The following BMP6 variants were observed in gnomAD, a reference collection of about 807,000 sequenced individuals.
The protein encoded by BMP6 is bone morphogenetic protein 6, also known as VG-1-R.
Under a neutral mutation model 54.1 loss-of-function variants are expected in BMP6, and 17 were observed. The observed-to-expected ratio is 0.31, with a 90% CI of 0.22 to 0.47. The LOEUF (loss-of-function observed/expected upper bound fraction) is 0.47. Among genes scored for constraint, BMP6 ranks in the 20% least tolerant of loss-of-function variants. The pLI, the probability that BMP6 is intolerant of heterozygous loss-of-function variation, is 1.00. For missense variants in BMP6, 720 were observed against 690.4 expected (o/e 1.04, Z -0.48); for synonymous variants, 328 against 291.2 (o/e 1.13, Z -1.28).
At chr6:7,788,295 C>T (rs889074608) in intron 1 of BMP6, among the ~76,000 whole-genome samples, 7 of 152,238 alleles carry the variant, frequency 4.6e-5, no homozygotes, top group African/African-American at 1.7e-4. Flanking sequence ...TAGCTGAAAC[C>T]AAGAGTCATC....
chr6:7,869,743 A>G (rs1172550842), intron 4 of BMP6, among the ~76,000 whole-genome samples: 1 of 152,224 alleles, frequency 6.6e-6, no homozygotes, highest in African/African-American at 2.4e-5. Flanking sequence ...AGAGGCTATC[A>G]GCAAGGAAGC....
rs563257407 is a variant in BMP6 at position 7,749,943 on chromosome 6, G to A, written c.664+22324G>A. 2.6e-5 allele frequency among the ~76,000 whole-genome samples: 4 copies of A among 152,330 alleles called. No individual in the cohort carries two copies. The East Asian group carries it at 5.8e-4, about 22-fold the overall frequency. ...AAGTGGTTCATGGGCCAGATTTTGA[G>A]AAGTACTGCCTTAAAGGGTTGGTAG... On this transcript the variant is annotated intron_variant, in intron 1 of 6. Coordinates refer to ENST00000283147, the MANE Select transcript of BMP6 (RefSeq NM_001718.6).
chr6:7,788,418 C>G (rs573046217), intron 1 of BMP6, among the ~76,000 whole-genome samples: 1 of 152,310 alleles, frequency 6.6e-6, no homozygotes, highest in African/African-American at 2.4e-5. Context: ...TGTGCTGGTA[C>G]ACAATGGGGA....
chr6:7,792,556 C>T (rs1219879684), intron 1 of BMP6, among the ~76,000 whole-genome samples: 2 of 152,190 alleles, frequency 1.3e-5, no homozygotes, highest in African/African-American at 2.4e-5. Flanking sequence ...CAGACATACC[C>T]GACTCAAACA....
intron 1 of BMP6, among the ~76,000 whole-genome samples, chr6:7,750,726 T>A (rs1287902785): frequency 6.6e-6 from 1 of 152,240 alleles, no homozygotes; most frequent in Non-Finnish European, 1.5e-5. Context: ...TGACCTTTAT[T>A]TGAAAGATTT....
intron 1 of BMP6, among the ~76,000 whole-genome samples, chr6:7,746,094 A>G (rs1379430947): frequency 6.6e-6 from 1 of 152,178 alleles, no homozygotes; most frequent in Non-Finnish European, 1.5e-5. Context: ...ATAGAGGCAA[A>G]GGCATTCCCG....
In BMP6 at chr6:7,813,458, C is replaced by CAAAAAA. The variant is rs58314970; in HGVS notation, c.665-31664_665-31659dup. On this transcript the variant is annotated intron_variant, in intron 1 of 6. Coordinates refer to ENST00000283147, the MANE Select transcript of BMP6 (RefSeq NM_001718.6). Reference sequence around the variant, plus strand: ...CAACATAGTGAGATCCCTGTCTCTACAAAAAAAAAAAAAAAAAAAAAAACT... The same window carrying CAAAAAA: ...CAACATAGTGAGATCCCTGTCTCTACAAAAAAAAAAAAAAAAAAAAAAAAAAAAACT... Among the ~76,000 whole-genome samples the CAAAAAA allele has an allele frequency of 5.0e-4, 32 of 64,070 alleles. 1 individual carries two copies. The highest frequency in any genetic ancestry group is 1.6e-3 in the South Asian group (2 of 1,252). The allele number at this position is 64,070 out of a possible 152,430, so 42.0% of individuals were successfully genotyped here.
chr6:7,861,318 G>T, intron 2 of BMP6, 133 bp from the exon 3 acceptor site: 2 of 1,185,836 alleles, frequency 1.7e-6, no homozygotes, highest in Non-Finnish European at 2.4e-6. Context: ...GCTATGGCAA[G>T]TCACTGTGCT....
At chr6:7,732,917 G>C (rs560919275) in intron 1 of BMP6, among the ~76,000 whole-genome samples, 66 of 145,802 alleles carry the variant, frequency 4.5e-4, no homozygotes, top group Non-Finnish European at 6.7e-4. Flanking sequence ...TTTTTTTTAA[G>C]ACAGTATCTT....
intron 1 of BMP6, among the ~76,000 whole-genome samples, chr6:7,814,464 A>G (rs372488039): frequency 2.0e-5 from 3 of 152,148 alleles, no homozygotes; most frequent in African/African-American, 7.2e-5. Context: ...TTGTTTGCAG[A>G]CTTTTGCTGT....
At chr6:7,870,820 G>A (rs530985334) in intron 4 of BMP6, among the ~76,000 whole-genome samples, 3 of 152,186 alleles carry the variant, frequency 2.0e-5, no homozygotes, top group Admixed American at 6.5e-5. Flanking sequence ...GTAGAGACAG[G>A]GTTTCACCAT....
At chr6:7,822,057 G>A (rs1758619044) in intron 1 of BMP6, among the ~76,000 whole-genome samples, 1 of 151,582 alleles carries the variant, frequency 6.6e-6, no homozygotes, top group African/African-American at 2.4e-5. Flanking sequence ...TTTTGGTCTT[G>A]TTGCCCAGGC....
intron 1 of BMP6, among the ~76,000 whole-genome samples, chr6:7,761,832 C>G (rs1757618142): frequency 6.6e-6 from 1 of 152,180 alleles, no homozygotes; most frequent in Non-Finnish European, 1.5e-5. Context: ...TTGTTATTGT[C>G]TCATTGCCCC....
intron 1 of BMP6, among the ~76,000 whole-genome samples, chr6:7,769,112 G>A (rs1757743832): frequency 6.6e-6 from 1 of 152,178 alleles, no homozygotes; most frequent in Admixed American, 6.5e-5. Context: ...CTGCAGGTAG[G>A]AAAAACAAAA....
chr6:7,794,066 C>T (rs574966519), intron 1 of BMP6, among the ~76,000 whole-genome samples: 20 of 152,188 alleles, frequency 1.3e-4, no homozygotes, highest in Non-Finnish European at 2.6e-4. Flanking sequence ...GGGTAAGGCT[C>T]GTACTCAGAG....
intron 4 of BMP6, among the ~76,000 whole-genome samples, chr6:7,869,350 G>A (rs1046037864): frequency 1.1e-4 from 17 of 152,256 alleles, no homozygotes; most frequent in African/African-American, 3.9e-4. Context: ...TTTGCACTTC[G>A]CTGTGTGCGT....
chr6:7,726,861 A>G lies in BMP6; in HGVS notation c.-95A>G. 1.3e-6 allele frequency: 1 copy of G among 744,022 alleles called. No homozygotes were observed. The highest frequency in any genetic ancestry group is 1.7e-6 in the Non-Finnish European group (1 of 597,926). The allele number at this position is 744,022 out of a possible 1,614,324, so 46.1% of individuals were successfully genotyped here. On this transcript the variant is annotated 5_prime_UTR_variant, in exon 1 of 7. Transcript: ENST00000283147. ...GCGAGCCCGCCGAGAGGTGGCGGGG[A>G]CTGCTCACGCCAAGGGCCACAGCGG...
At chr6:7,736,195 C>CT (rs1441130963) in intron 1 of BMP6, among the ~76,000 whole-genome samples, 4 of 152,284 alleles carry the variant, frequency 2.6e-5, no homozygotes, top group African/African-American at 9.6e-5. Context: ...ACTGAGGTGT[C>CT]TGTCACCATA....
At chr6:7,836,533 C>T (rs1330347935) in intron 1 of BMP6, among the ~76,000 whole-genome samples, 1 of 152,106 alleles carries the variant, frequency 6.6e-6, no homozygotes, top group Non-Finnish European at 1.5e-5. Flanking sequence ...TGATCTTGTA[C>T]TTCAGTTATG....
Sources: gnomAD v4.1 joint callset for allele counts (sites outside exome capture counted in the v4.1 genomes callset) on GRCh38, gnomAD v4.1.1 for gene constraint, MANE v1.5 for transcripts, NCBI Gene and HGNC (gene_info 2026-07-23, HGNC 2026-07-21) for gene names.